Variants in ZNF804B observed in about 807,000 individuals in gnomAD.
ZNF804B encodes the protein zinc finger 804B.
A neutral mutation model predicts 101.4 loss-of-function variants in ZNF804B; 80 were observed. The ratio of observed to expected loss-of-function variants is 0.79; its 90% CI spans 0.66 to 0.95. The LOEUF is 0.95. Among genes scored for constraint, ZNF804B ranks in the 40% least tolerant of loss-of-function variants. The pLI, the probability that ZNF804B is intolerant of heterozygous loss-of-function variation, is 0.00. For synonymous variants in ZNF804B, 622 were observed against 558.8 expected (o/e 1.11, Z -1.59); for missense variants, 1,673 against 1,561.9 (o/e 1.07, Z -1.20).
intron 2 of ZNF804B, among the ~76,000 whole-genome samples, chr7:89,236,419 AT>A (rs1174399452): frequency 1.3e-5 from 2 of 152,282 alleles, no homozygotes; most frequent in South Asian, 2.1e-4. Flanking sequence ...GGTGATTAAA[AT>A]AAGAGAAAAT....
At chr7:88,931,230 A>G (rs1792880196) in intron 1 of ZNF804B, among the ~76,000 whole-genome samples, 1 of 152,088 alleles carries the variant, frequency 6.6e-6, no homozygotes, top group East Asian at 1.9e-4. Flanking sequence ...ATCTAAATTT[A>G]AGAACAAATA....
intron 1 of ZNF804B, among the ~76,000 whole-genome samples, chr7:88,798,348 C>A (rs1562796897): frequency 6.6e-6 from 1 of 152,008 alleles, no homozygotes; most frequent in Non-Finnish European, 1.5e-5. Flanking sequence ...AGAAAATCAA[C>A]TAAGCTCTCC....
In ZNF804B at chr7:89,250,270, A is replaced by T. The variant is rs557882185; in HGVS notation, c.249+31975A>T. On this transcript the variant is annotated intron_variant, in intron 2 of 3. Transcript: ENST00000333190. ...CAAACGTGATGTTACAATTGATTCC[A>T]CAGATACCAAAGACCCTCAGATATT... Among the ~76,000 whole-genome samples, 5 of 152,254 alleles carry T rather than the reference A, an allele frequency of 3.3e-5. No individual in the cohort carries two copies. In the South Asian group the frequency reaches 1.0e-3, roughly 32 times the overall value.
In ZNF804B at chr7:89,000,732, T is replaced by C. The variant is rs151291968; in HGVS notation, c.109-217423T>C. Among the ~76,000 whole-genome samples, 81 of 151,834 alleles carry C rather than the reference T, an allele frequency of 5.3e-4. 1 individual carries two copies. In the East Asian group the frequency reaches 0.013, roughly 25 times the overall value. ...CACATTTAAGTGAGATCATGCAGTA[T>C]TTGTCTTTCTCTGTATGACTTATTT... On this transcript the variant is annotated intron_variant, in intron 1 of 3. Transcript: ENST00000333190.
At chr7:89,192,563 T>C (rs1286295076) in intron 1 of ZNF804B, among the ~76,000 whole-genome samples, 1 of 152,080 alleles carries the variant, frequency 6.6e-6, no homozygotes, top group African/African-American at 2.4e-5. Flanking sequence ...TTATTGTTTT[T>C]GAAACTACCA....
intron 3 of ZNF804B, among the ~76,000 whole-genome samples, chr7:89,329,264 A>AT (rs1006142676): frequency 3.3e-5 from 5 of 151,252 alleles, no homozygotes; most frequent in African/African-American, 9.7e-5. Context: ...TAGGAAAATA[A>AT]TTTTTTTTTA....
chr7:88,767,152 A>G (rs1396833723), intron 1 of ZNF804B, among the ~76,000 whole-genome samples: 2 of 152,194 alleles, frequency 1.3e-5, no homozygotes, highest in Non-Finnish European at 2.9e-5. Flanking sequence ...CTCCAGAGAT[A>G]CTAGCCCTCG....
chr7:88,790,650 T>C (rs987075283), intron 1 of ZNF804B, among the ~76,000 whole-genome samples: 3 of 152,094 alleles, frequency 2.0e-5, no homozygotes, highest in African/African-American at 7.2e-5. Context: ...CCATATCACA[T>C]ATCACATATA....
Position 88,761,680 on chromosome 7 carries a change from T to G in ZNF804B, c.108+1596T>G, listed in dbSNP as rs527595398. On this transcript the variant is annotated intron_variant, in intron 1 of 3. Coordinates refer to ENST00000333190, the MANE Select transcript of ZNF804B (RefSeq NM_181646.5). ...TGGTAATCTCCGTGCCTGTCTCCCT[T>G]GCCCTCCTTTTGGTTATGGAAAACT... Among the ~76,000 whole-genome samples, 18 of 152,332 alleles carry G rather than the reference T, an allele frequency of 1.2e-4. No individual in the cohort carries two copies. The South Asian group carries it at 3.5e-3, about 30-fold the overall frequency.
intron 1 of ZNF804B, among the ~76,000 whole-genome samples, chr7:88,775,672 T>C (rs1790131024): frequency 1.3e-5 from 2 of 152,184 alleles, no homozygotes; most frequent in Admixed American, 1.3e-4. Context: ...TCCATTCCTG[T>C]GTATAGCTCT....
At chr7:88,926,193 C>G (rs1163603984) in intron 1 of ZNF804B, among the ~76,000 whole-genome samples, 1 of 152,088 alleles carries the variant, frequency 6.6e-6, no homozygotes, top group Non-Finnish European at 1.5e-5. Flanking sequence ...TTAATGCAGG[C>G]ACATCTTACG....
intron 1 of ZNF804B, among the ~76,000 whole-genome samples, chr7:89,040,806 C>A (rs1789005340): frequency 6.6e-6 from 1 of 152,106 alleles, no homozygotes; most frequent in African/African-American, 2.4e-5. Context: ...TTATTACGTG[C>A]AGTTTATCTG....
intron 1 of ZNF804B, among the ~76,000 whole-genome samples, chr7:89,067,620 G>A (rs1044291833): frequency 3.9e-5 from 6 of 152,032 alleles, no homozygotes; most frequent in East Asian, 1.9e-4. Context: ...GAAGACTTCT[G>A]TTGTCTTGGA....
chr7:89,335,271 C>G lies in ZNF804B; in HGVS notation c.2289C>G (p.Phe763Leu), dbSNP rs750042756. Residue 763 changes from phenylalanine (F) to leucine (L), a missense_variant, in exon 4 of 4, where the codon TTC (phenylalanine) becomes TTG (leucine). Coordinates refer to ENST00000333190, the MANE Select transcript of ZNF804B (RefSeq NM_181646.5). Reference sequence around the variant, plus strand: ...GGAAATGTCTAAAGCACAACTGCTTCTACTTGTCTGATGATATAACAAAGA... The same window carrying G: ...GGAAATGTCTAAAGCACAACTGCTTGTACTTGTCTGATGATATAACAAAGA... ...HKRKCLKHNC[F>L]YLSDDITKSS... 6.2e-7 allele frequency: 1 copy of G among 1,613,750 alleles called. No homozygotes were observed. The highest frequency in any genetic ancestry group is 2.2e-5 in the East Asian group (1 of 44,854).
intron 2 of ZNF804B, among the ~76,000 whole-genome samples, chr7:89,225,426 C>T (rs1490816214): frequency 6.6e-6 from 1 of 152,116 alleles, no homozygotes; most frequent in South Asian, 2.1e-4. Flanking sequence ...TCATACTCCA[C>T]TCCCAGCTAT....
chr7:89,109,188 T>C (rs952755057), intron 1 of ZNF804B, among the ~76,000 whole-genome samples: 2 of 152,172 alleles, frequency 1.3e-5, no homozygotes, highest in Non-Finnish European at 2.9e-5. Flanking sequence ...GACAACATGG[T>C]TCTGTTTAAT....
intron 1 of ZNF804B, among the ~76,000 whole-genome samples, chr7:88,826,602 T>G (rs1009042733): frequency 1.3e-5 from 2 of 152,216 alleles, no homozygotes; most frequent in African/African-American, 4.8e-5. Flanking sequence ...ATGGCGGCTT[T>G]ACAGAATATT....
chr7:89,296,006 G>A lies in ZNF804B; in HGVS notation c.250-31338G>A, dbSNP rs996065548. 2.0e-5 allele frequency among the ~76,000 whole-genome samples: 3 copies of A among 151,972 alleles called. 1 individual carries two copies. The South Asian group carries it at 6.2e-4, about 32-fold the overall frequency. On this transcript the variant is annotated intron_variant, in intron 2 of 3. Coordinates refer to ENST00000333190, the MANE Select transcript of ZNF804B (RefSeq NM_181646.5). ...GACTTTAGAGACTCGGAAGGAGTAG[G>A]GTGGAAGAGGGAACGGATAAAAAAC...
chr7:88,951,077 A>G (rs965465558), intron 1 of ZNF804B, among the ~76,000 whole-genome samples: 19 of 151,850 alleles, frequency 1.3e-4, no homozygotes, highest in African/African-American at 4.6e-4. Flanking sequence ...GAATTTTTCT[A>G]CTTTGCAGGA....
Sources: gnomAD v4.1 joint callset for allele counts (sites outside exome capture counted in the v4.1 genomes callset) on GRCh38, gnomAD v4.1.1 for gene constraint, MANE v1.5 for transcripts, NCBI Gene and HGNC (gene_info 2026-07-23, HGNC 2026-07-21) for gene names.